Variants in ATPSCKMT observed in about 807,000 individuals in gnomAD.
ATPSCKMT encodes the protein ATP synthase c subunit lysine N-methyltransferase.
ATPSCKMT carries 24 observed loss-of-function variants against 24.3 expected under a neutral mutation model. The ratio of observed to expected loss-of-function variants is 0.99; its 90% CI spans 0.71 to 1.39. ATPSCKMT has a LOEUF of 1.39. Among genes scored for constraint, ATPSCKMT ranks in the 40% most tolerant of loss-of-function variants. ATPSCKMT has a pLI of 0.00. For missense variants in ATPSCKMT, 311 were observed against 298.4 expected (o/e 1.04, Z -0.31); for synonymous variants, 95 against 110.5 (o/e 0.86, Z 0.88).
At chr5:10,244,384 C>T (rs1348480677) in intron 1 of ATPSCKMT, 2 of 152,128 alleles carry the variant, frequency 1.3e-5, no homozygotes, top group Non-Finnish European at 2.9e-5. Context: ...CTGCCATAAA[C>T]CTTCTGTTTG....
rs775613294 is a variant in ATPSCKMT at position 10,236,945 on chromosome 5, G to A, written c.307-330C>T. ...AACAAAACATTGCTGAAAATCCACT[G>A]CATCTCTCCATCAGTGGGCTAGCAC... On this transcript the variant is annotated intron_variant, in intron 2 of 4. Coordinates refer to ENST00000511437, the MANE Select transcript of ATPSCKMT (RefSeq NM_199133.4). The A allele has an allele frequency of 2.2e-5, 30 of 1,334,992 alleles. 3 individuals are homozygous for A. In the South Asian group the frequency reaches 3.7e-4, roughly 16 times the overall value. 82.7% of individuals were successfully genotyped at this position (1,334,992 alleles called of 1,614,324 possible).
chr5:10,246,994 G>C (rs1744966053), intron 1 of ATPSCKMT, among the ~76,000 whole-genome samples: 1 of 152,230 alleles, frequency 6.6e-6, no homozygotes, highest in South Asian at 2.1e-4. Context: ...GGAAGGCAGG[G>C]AAAGCCTTTC....
intron 1 of ATPSCKMT, among the ~76,000 whole-genome samples, chr5:10,242,901 C>T (rs776138161): frequency 6.6e-6 from 1 of 152,142 alleles, no homozygotes; most frequent in Non-Finnish European, 1.5e-5. Flanking sequence ...GAAAGGAATC[C>T]TTTTTCTGAT....
chr5:10,241,113 G>C (rs1181960163), intron 1 of ATPSCKMT, among the ~76,000 whole-genome samples: 2 of 151,956 alleles, frequency 1.3e-5, no homozygotes, highest in African/African-American at 2.4e-5. Flanking sequence ...AGGTTTTCTT[G>C]TCTCTTCCTG....
chr5:10,246,457 GAAAAA>G (rs57613113), intron 1 of ATPSCKMT, among the ~76,000 whole-genome samples: 47 of 148,686 alleles, frequency 3.2e-4, no homozygotes, highest in Non-Finnish European at 4.3e-4. Context: ...AAAAAAGAAA[GAAAAA>G]AAAAAAAAAA....
intron 1 of ATPSCKMT, chr5:10,248,348 T>A (rs1283493319): frequency 6.6e-6 from 1 of 152,236 alleles, no homozygotes; most frequent in South Asian, 2.1e-4. Flanking sequence ...CATAGGACAT[T>A]CTATTTTTCA....
chr5:10,247,893 G>A (rs2607302), intron 1 of ATPSCKMT, among the ~76,000 whole-genome samples: 112,038 of 152,112 alleles, frequency 0.74, 43,432 homozygotes, highest in East Asian at 0.86. Flanking sequence ...TACTGTGTCC[G>A]GGCCCTGCTT....
At chr5:10,227,701 C>G in intron 4 of ATPSCKMT, 54 bp from the exon 5 acceptor site, 2 of 1,504,416 alleles carry the variant, frequency 1.3e-6, no homozygotes, top group Non-Finnish European at 1.8e-6. Flanking sequence ...AGGAAATGAT[C>G]CCAAAATTTC....
At chr5:10,235,130 C>A in intron 4 of ATPSCKMT, 81 bp downstream of exon 4, 1 of 1,313,946 alleles carries the variant, frequency 7.6e-7, no homozygotes, top group South Asian at 1.2e-5. Flanking sequence ...CACCCTCACA[C>A]GGGTGAGTGG....
intron 1 of ATPSCKMT, among the ~76,000 whole-genome samples, chr5:10,244,667 T>G (rs901775279): frequency 1.3e-5 from 2 of 152,114 alleles, no homozygotes; most frequent in Admixed American, 6.5e-5. Flanking sequence ...ATCCCAGCAC[T>G]TTGGAAGGCC....
intron 2 of ATPSCKMT, 80 bp downstream of exon 2, chr5:10,238,987 C>T: frequency 6.7e-7 from 1 of 1,494,736 alleles, no homozygotes. Context: ...TTAGTTAAGT[C>T]TTTGTGTAAG....
chr5:10,227,738 C>T, intron 4 of ATPSCKMT, 91 bp from the exon 5 acceptor site: 3 of 1,219,970 alleles, frequency 2.5e-6, no homozygotes, highest in South Asian at 2.6e-5. Flanking sequence ...CTGAAAATAC[C>T]TGAGCAAAAA....
chr5:10,245,550 A>T (rs1744877978), intron 1 of ATPSCKMT, among the ~76,000 whole-genome samples: 1 of 152,158 alleles, frequency 6.6e-6, no homozygotes. Context: ...GTTTAAGACC[A>T]GCCTGGGCAA....
intron 4 of ATPSCKMT, among the ~76,000 whole-genome samples, chr5:10,231,471 T>C (rs1341702992): frequency 6.6e-6 from 1 of 151,908 alleles, no homozygotes; most frequent in African/African-American, 2.4e-5. Flanking sequence ...CAAGGGCTGG[T>C]GTCCTTCCCA....
rs771654573 is a variant in ATPSCKMT, at chr5:10,227,206, A to G, written c.*235T>C. On this transcript the variant is annotated 3_prime_UTR_variant, in exon 5 of 5. Coordinates refer to ENST00000511437, the MANE Select transcript of ATPSCKMT (RefSeq NM_199133.4). Reference sequence around the variant, plus strand: ...ATGACCATCACTTATTCATCTTTTCATGCATCCAGGTGCATGGAAAGGCAG... The same window carrying G: ...ATGACCATCACTTATTCATCTTTTCGTGCATCCAGGTGCATGGAAAGGCAG... 3.9e-6 allele frequency: 2 copies of G among 513,544 alleles called. No individual in the cohort carries two copies. Among genetic ancestry groups the G allele is most frequent in the Non-Finnish European group, 7.0e-6 (2 of 285,728 alleles). The allele number at this position is 513,544 out of a possible 1,614,324, so 31.8% of individuals were successfully genotyped here. A position where few individuals can be genotyped will look rare whatever the true frequency, so the allele number is the denominator to read the frequency against.
Position 10,235,209 on chromosome 5 carries a change from A to C in ATPSCKMT, c.495+2T>G. 6.2e-7 allele frequency: 1 copy of C among 1,613,710 alleles called. No individual in the cohort carries two copies. Among genetic ancestry groups the C allele is most frequent in the South Asian group, 1.1e-5 (1 of 91,046 alleles). ...ACAGAGAGCAGGAAAGTGCATACTC[A>C]CCATCTGAGGCACACCGAAAATAAC... On this transcript the variant is annotated splice_donor_variant, in intron 4 of 4. Transcript: ENST00000511437. LOFTEE classifies it high-confidence loss of function.
Position 10,236,540 on chromosome 5 carries a change from A to G in ATPSCKMT, c.382T>C (p.Tyr128His). 2 of 1,614,234 alleles carry G rather than the reference A, an allele frequency of 1.2e-6. No individual in the cohort carries two copies. Among genetic ancestry groups the G allele is most frequent in the Non-Finnish European group, 1.7e-6 (2 of 1,180,034 alleles). ...LNPWLVWYSR[Y>H]RAWREGVHGS... ...TGCACACCTTCTCGCCAAGCGCGGTATCTGGAATACCAAACTAGCCATGGG... is the reference window on the plus strand; with the variant it reads ...TGCACACCTTCTCGCCAAGCGCGGTGTCTGGAATACCAAACTAGCCATGGG... Residue 128 changes from tyrosine to histidine, a missense_variant, in exon 3 of 5, where the codon TAC (tyrosine) becomes CAC (histidine). Coordinates refer to ENST00000511437, the MANE Select transcript of ATPSCKMT (RefSeq NM_199133.4).
intron 1 of ATPSCKMT, among the ~76,000 whole-genome samples, chr5:10,246,800 G>C (rs1193803836): frequency 2.0e-5 from 3 of 152,212 alleles, no homozygotes; most frequent in African/African-American, 7.2e-5. Flanking sequence ...AGGCAGATGA[G>C]GGGTGGGGTC....
At chr5:10,231,695 G>A (rs1246429927) in intron 4 of ATPSCKMT, among the ~76,000 whole-genome samples, 1 of 151,990 alleles carries the variant, frequency 6.6e-6, no homozygotes. Context: ...ATCTTCTACA[G>A]GCATCTCATG....
Sources: gnomAD v4.1 joint callset for allele counts (sites outside exome capture counted in the v4.1 genomes callset) on GRCh38, gnomAD v4.1.1 for gene constraint, MANE v1.5 for transcripts, NCBI Gene and HGNC (gene_info 2026-07-23, HGNC 2026-07-21) for gene names.